PRSS3: variants seen among roughly 807,000 people sequenced by gnomAD.
PRSS3 encodes the protein serine protease 3.
PRSS3 carries 14 observed loss-of-function variants against 20.8 expected under a neutral mutation model. The observed-to-expected ratio is 0.67, with a 90% confidence interval of 0.44 to 1.05. PRSS3 has a LOEUF of 1.05. Ranked by LOEUF, PRSS3 falls within the 50% of genes least tolerant of loss-of-function variation. The pLI is 0.00. For synonymous variants in PRSS3, 91 were observed against 117.6 expected, an observed-to-expected ratio of 0.77 and a Z score of 1.46; for missense variants, 237 against 306.4, an observed-to-expected ratio of 0.77 and a Z score of 1.69.
rs774244134 is a variant in PRSS3 at position 33,798,667 on chromosome 9, G to T, written c.591+45G>T. On this transcript the variant is annotated intron_variant, in intron 4 of 4. Transcript: ENST00000379405. ...TGCTGAGGCTCCCACCGATACCCAG[G>T]CCCCACCGGGGAAAAAGATTTGAAC... 2.3e-5 allele frequency: 37 copies of T among 1,613,294 alleles called. No homozygotes were observed. In the East Asian group the frequency reaches 8.0e-4, roughly 35 times the overall value.
intron 1 of PRSS3, among the ~76,000 whole-genome samples, chr9:33,789,745 C>T (rs1824552931): frequency 6.6e-6 from 1 of 152,154 alleles, no homozygotes; most frequent in African/African-American, 2.4e-5. Context: ...ACAGTGAAGC[C>T]TTGGATTATG....
At chr9:33,796,605 C>T in intron 1 of PRSS3, 38 bp from the exon 2 acceptor site, 1 of 1,612,408 alleles carries the variant, frequency 6.2e-7, no homozygotes, top group Non-Finnish European at 8.5e-7. Flanking sequence ...CCCTAACATG[C>T]TACTGACTTG....
chr9:33,754,604 T>C (rs10971681), intron 1 of PRSS3, among the ~76,000 whole-genome samples: 6 of 151,294 alleles, frequency 4.0e-5, no homozygotes, highest in Non-Finnish European at 7.4e-5. Context: ...TCAAGGCGGG[T>C]GGATCACCTG....
intron 2 of PRSS3, 65 bp from the exon 3 acceptor site, chr9:33,797,764 G>C: frequency 6.2e-7 from 1 of 1,613,972 alleles, no homozygotes. Flanking sequence ...GAGGACCCTG[G>C]GGAAGGTGGG....
At chr9:33,796,108 C>G (rs1824916646) in intron 1 of PRSS3, among the ~76,000 whole-genome samples, 1 of 152,182 alleles carries the variant, frequency 6.6e-6, no homozygotes, top group African/African-American at 2.4e-5. Flanking sequence ...TTAAGAATTG[C>G]TCTTCTATTG....
chr9:33,798,995 C>G, intron 4 of PRSS3, 33 bp from the exon 5 acceptor site: 1 of 1,609,552 alleles, frequency 6.2e-7, no homozygotes, highest in East Asian at 2.2e-5. Context: ...CTCCATCTCT[C>G]TCTTTATACA....
chr9:33,787,104 G>C (rs967905041), intron 1 of PRSS3, among the ~76,000 whole-genome samples: 1 of 152,118 alleles, frequency 6.6e-6, no homozygotes, highest in South Asian at 2.1e-4. Flanking sequence ...CTTCTAGAAG[G>C]GTGCTCAGAA....
chr9:33,751,072 G>A lies in PRSS3; in HGVS notation c.-53+345G>A, dbSNP rs1388438356. On this transcript the variant is annotated intron_variant, in intron 1 of 5. Coordinates refer to the PRSS3 transcript ENST00000342836. ...TGGAATGAATATTGCTCAGTCCCCC[G>A]CGAGTCAGGTCTGCCGCGTTGCAGG... Among the ~76,000 whole-genome samples the A allele has an allele frequency of 5.3e-5, 8 of 152,146 alleles. 1 individual carries two copies. The highest frequency in any genetic ancestry group is 1.0e-4 in the Non-Finnish European group (7 of 68,012).
At chr9:33,764,252 A>T (rs1434813267) in intron 1 of PRSS3, among the ~76,000 whole-genome samples, 3 of 152,248 alleles carry the variant, frequency 2.0e-5, no homozygotes, top group Non-Finnish European at 2.9e-5. Context: ...AAAATAGATC[A>T]GAGGTCAGGT....
rs1437022058 is a variant in PRSS3, at chr9:33,777,452, G to A, written c.-52-17294G>A. On this transcript the variant is annotated intron_variant, in intron 1 of 5. Coordinates refer to the PRSS3 transcript ENST00000342836. ...TGTAATCCCAGCACTTTTGGGAGGCGGAAGCGGGCGGATCATGAGGTCAGG... is the reference window on the plus strand; with the variant it reads ...TGTAATCCCAGCACTTTTGGGAGGCAGAAGCGGGCGGATCATGAGGTCAGG... 9.3e-5 allele frequency among the ~76,000 whole-genome samples: 14 copies of A among 150,566 alleles called. No homozygotes were observed. The East Asian group carries it at 2.7e-3, about 29-fold the overall frequency.
chr9:33,751,911 C>T (rs945613500), intron 1 of PRSS3, among the ~76,000 whole-genome samples: 16 of 152,070 alleles, frequency 1.1e-4, no homozygotes, highest in African/African-American at 3.9e-4. Context: ...GATATTGGCT[C>T]GCTCTGTTCC....
In PRSS3 at chr9:33,789,312, A is replaced by T. The variant is rs1482541157; in HGVS notation, c.-52-5434A>T. 5.3e-5 allele frequency among the ~76,000 whole-genome samples: 8 copies of T among 152,294 alleles called. No homozygotes were observed. The South Asian group carries it at 6.2e-4, about 12-fold the overall frequency. On this transcript the variant is annotated intron_variant, in intron 1 of 5. Coordinates refer to the PRSS3 transcript ENST00000342836. ...CTGTCAAGAAATTGGGGCGCTACAGACCTAATATCACTTTTTTTATAATTC... is the reference window on the plus strand; with the variant it reads ...CTGTCAAGAAATTGGGGCGCTACAGTCCTAATATCACTTTTTTTATAATTC...
In PRSS3 at chr9:33,798,421, T is replaced by TA. The variant is rs1825131429; in HGVS notation, c.455-64dup. The TA allele has an allele frequency of 5.0e-6, 8 of 1,596,342 alleles. No individual in the cohort carries two copies. The South Asian group carries it at 8.8e-5, about 18-fold the overall frequency. On this transcript the variant is annotated intron_variant, in intron 3 of 4. Coordinates refer to ENST00000379405, the MANE Select transcript of PRSS3 (RefSeq NM_002771.4). Reference sequence around the variant, plus strand: ...TCCTCTTCAATGTTCCATCCCAGATTATTGTCTCCTTCTCTGGCCTCACCC... The same window carrying TA: ...TCCTCTTCAATGTTCCATCCCAGATTAATTGTCTCCTTCTCTGGCCTCACCC...
At chr9:33,764,419 G>T (rs1392937000) in intron 1 of PRSS3, among the ~76,000 whole-genome samples, 7 of 152,154 alleles carry the variant, frequency 4.6e-5, no homozygotes, top group Non-Finnish European at 8.8e-5. Context: ...TGTAATCCCA[G>T]CTACTCAGGA....
chr9:33,795,291 G>C (rs1048272558), upstream of PRSS3, among the ~76,000 whole-genome samples: 22 of 151,744 alleles, frequency 1.4e-4, no homozygotes, highest in Non-Finnish European at 2.9e-4. Context: ...TGTGTGATCC[G>C]GGGATTGGTT....
At chr9:33,798,829 C>A (rs1825173312) in intron 4 of PRSS3, 199 bp from the exon 5 acceptor site, 2 of 1,047,170 alleles carry the variant, frequency 1.9e-6, no homozygotes, top group African/African-American at 1.6e-5. Flanking sequence ...AGGCTCCCTG[C>A]AGTGCCCCCA....
At chr9:33,754,567 C>T (rs1272375139) in intron 1 of PRSS3, among the ~76,000 whole-genome samples, 7 of 151,924 alleles carry the variant, frequency 4.6e-5, no homozygotes, top group Admixed American at 1.3e-4. Context: ...CAGTGGCTCA[C>T]GCCTGTAATT....
At chr9:33,767,717 C>T (rs1823498446) in intron 1 of PRSS3, among the ~76,000 whole-genome samples, 1 of 152,030 alleles carries the variant, frequency 6.6e-6, no homozygotes, top group Admixed American at 6.5e-5. Flanking sequence ...CCCAGCTACT[C>T]AGGAGGCTGA....
intron 1 of PRSS3, among the ~76,000 whole-genome samples, chr9:33,751,608 C>T (rs1378913319): frequency 1.3e-5 from 2 of 152,200 alleles, no homozygotes; most frequent in Non-Finnish European, 2.9e-5. Context: ...CTGCTTTCTG[C>T]CGTGTCTGCC....
Sources: allele counts gnomAD v4.1 joint callset (sites outside exome capture counted in the v4.1 genomes callset), GRCh38; gene constraint gnomAD v4.1.1; transcripts MANE v1.5; gene names NCBI Gene and HGNC (gene_info 2026-07-23, HGNC 2026-07-21).